The following PPP2R3B variants were observed in gnomAD, a reference collection of about 807,000 sequenced individuals.
PPP2R3B encodes the protein serine/threonine-protein phosphatase 2A regulatory subunit B'' subunit beta.
Under a neutral mutation model 72.9 loss-of-function variants are expected in PPP2R3B, and 68 were observed. The observed-to-expected ratio is 0.93, with a 90% CI of 0.77 to 1.14. The LOEUF is 1.14. Ranked by LOEUF, PPP2R3B falls within the 50% of genes most tolerant of loss-of-function variation. PPP2R3B has a pLI of 0.00. For synonymous variants in PPP2R3B, 466 were observed against 375.8 expected, an observed-to-expected ratio of 1.24 and a Z score of -2.78; for missense variants, 1,018 against 842.0, an observed-to-expected ratio of 1.21 and a Z score of -2.59.
intron 7 of PPP2R3B, chrX:345,088 C>G (rs1267003320): frequency 4.4e-6 from 2 of 454,564 alleles, no homozygotes; most frequent in Non-Finnish European, 8.7e-6. Context: ...GGTATATGAA[C>G]GACCGCTAAG....
At chrX:364,577 G>C (rs775182250) in intron 1 of PPP2R3B, among the ~76,000 whole-genome samples, 1 of 149,748 alleles carries the variant, frequency 6.7e-6, no homozygotes, top group Non-Finnish European at 1.5e-5. Flanking sequence ...AATTAGCCGG[G>C]TGTGGTGGAG....
At chrX:349,420 C>A (rs1273403280) in intron 2 of PPP2R3B, among the ~76,000 whole-genome samples, 1 of 152,182 alleles carries the variant, frequency 6.6e-6, no homozygotes, top group Non-Finnish European at 1.5e-5. Flanking sequence ...CTACGAAACA[C>A]CCCAGCTGCT....
intron 2 of PPP2R3B, among the ~76,000 whole-genome samples, chrX:350,785 C>A (rs980917090): frequency 6.6e-6 from 1 of 152,226 alleles, no homozygotes; most frequent in Non-Finnish European, 1.5e-5. Flanking sequence ...GGGAAAGCGG[C>A]CCACGGGGCG....
rs2071188315 is a variant in PPP2R3B at position 345,687 on chromosome X, A to C, written c.880-15T>G. 1.3e-6 allele frequency: 2 copies of C among 1,559,648 alleles called. No individual in the cohort carries two copies. Among genetic ancestry groups the C allele is most frequent in the East Asian group, 4.9e-5 (2 of 40,602 alleles). ...AGCGCCACATTCTGCCAAAGGACCC[A>C]GGCGGCCTGAGCGCGGGGCCTCTGC... On this transcript the variant is annotated splice_polypyrimidine_tract_variant and intron_variant, in intron 6 of 12. Coordinates refer to ENST00000390665, the MANE Select transcript of PPP2R3B (RefSeq NM_013239.5).
chrX:345,094 C>T (rs2071168618), intron 7 of PPP2R3B: 1 of 463,810 alleles, frequency 2.2e-6, no homozygotes, highest in Non-Finnish European at 4.2e-6. Context: ...TGAACGACCG[C>T]TAAGCCTGGG....
chrX:383,311 G>A (rs1448456496), intron 1 of PPP2R3B, among the ~76,000 whole-genome samples: 2 of 152,094 alleles, frequency 1.3e-5, no homozygotes, highest in African/African-American at 2.4e-5. Context: ...GTGGTGCTAC[G>A]TAAATATCAC....
chrX:379,324 C>T (rs182842847), intron 1 of PPP2R3B, among the ~76,000 whole-genome samples: 12 of 142,100 alleles, frequency 8.4e-5, no homozygotes, highest in South Asian at 2.2e-4. Context: ...TGTGTGTATG[C>T]GTGTGTATGC....
Position 386,530 on chromosome X carries a change from C to A in PPP2R3B, c.162G>T (p.Gln54His). The change falls in exon 1 of 13, where the codon CAG becomes CAT. Residue 54 changes from glutamine to histidine, a missense_variant. By Grantham distance (24) the Gln-to-His change is conservative. Transcript: ENST00000390665. ...RDQPTPGDGEQPGAWPTAPLA... is the reference protein window; with the variant it reads ...RDQPTPGDGEHPGAWPTAPLA... ...GCGGGGCTGTGGGCCAGGCCCCGGGCTGCTCCCCGTCCCCCGGGGTCGGCT... is the reference window on the plus strand; with the variant it reads ...GCGGGGCTGTGGGCCAGGCCCCGGGATGCTCCCCGTCCCCCGGGGTCGGCT... 7.0e-7 allele frequency: 1 copy of A among 1,426,992 alleles called. No homozygotes were observed. 88.4% of individuals were successfully genotyped at this position (1,426,992 alleles called of 1,614,324 possible). A position where few individuals can be genotyped will look rare whatever the true frequency, so the allele number is the denominator to read the frequency against.
At chrX:375,636 C>T (rs1317980631) in intron 1 of PPP2R3B, among the ~76,000 whole-genome samples, 2 of 152,228 alleles carry the variant, frequency 1.3e-5, no homozygotes, top group Non-Finnish European at 2.9e-5. Flanking sequence ...GGTGCCGCCC[C>T]TTCAGTTCAT....
rs190344081 is a variant in PPP2R3B at position 344,964 on chromosome X, C to G, written c.1036+552G>C. 3.8e-4 allele frequency: 135 copies of G among 353,670 alleles called. 1 individual carries two copies. The highest frequency in any genetic ancestry group is 8.7e-4 in the Admixed American group (23 of 26,424). The allele number at this position is 353,670 out of a possible 1,614,324, so 21.9% of individuals were successfully genotyped here. A position where few individuals can be genotyped will look rare whatever the true frequency, so the allele number is the denominator to read the frequency against. ...ACTTAAAGGAATCCTTTAGAAAACT[C>G]AAGCCCCACAGGCCACAGGCCGCTT... On this transcript the variant is annotated intron_variant, in intron 7 of 12. Transcript: ENST00000390665.
At chrX:366,973 A>G (rs2124294832) in intron 1 of PPP2R3B, among the ~76,000 whole-genome samples, 1 of 152,040 alleles carries the variant, frequency 6.6e-6, no homozygotes, top group African/African-American at 2.4e-5. Context: ...GGGTGCGGTG[A>G]GCTGAGGTCG....
rs750914600 is a variant in PPP2R3B at position 334,368 on chromosome X, C to T, written c.1727G>A (p.Ter576=). 6.7e-7 allele frequency: 1 copy of T among 1,501,254 alleles called. No individual in the cohort carries two copies. Among genetic ancestry groups the T allele is most frequent in the Non-Finnish European group, 8.8e-7 (1 of 1,130,834 alleles). 93.0% of individuals were successfully genotyped at this position (1,501,254 alleles called of 1,614,324 possible). The change falls in exon 13 of 13, where the codon TGA becomes TAA. Residue 576 remains the stop codon, a stop_retained_variant. Transcript: ENST00000390665. ...ACGDEDLEPL[*] is the part of the protein sequence containing the mutation. ...GCGGCGGCGTTCTCGCGGGCGGCGTCACAGCGGCTCCAGGTCCTCGTCCCC... is the reference window on the plus strand; with the variant it reads ...GCGGCGGCGTTCTCGCGGGCGGCGTTACAGCGGCTCCAGGTCCTCGTCCCC...
intron 7 of PPP2R3B, 112 bp from the exon 8 acceptor site, chrX:342,043 T>C: frequency 7.2e-7 from 1 of 1,390,224 alleles, no homozygotes; most frequent in Non-Finnish European, 1.0e-6. Context: ...AGAGGACGCC[T>C]GGGTCTGGGA....
chrX:344,137 G>T (rs192147941), intron 7 of PPP2R3B, among the ~76,000 whole-genome samples: 5,139 of 19,604 alleles, frequency 0.26, 719 homozygotes, highest in African/African-American at 0.43. Context: ...GAGGCGGGAG[G>T]GAGACCTCAG....
At chrX:348,314 G>A (rs1358435901) in intron 2 of PPP2R3B, among the ~76,000 whole-genome samples, 1 of 152,156 alleles carries the variant, frequency 6.6e-6, no homozygotes, top group African/African-American at 2.4e-5. Flanking sequence ...GGTGGCTCAT[G>A]CCTGTAATCC....
chrX:346,798 C>T (rs768972513), intron 4 of PPP2R3B, 23 bp from the exon 5 acceptor site: 2 of 1,602,110 alleles, frequency 1.2e-6, no homozygotes, highest in Non-Finnish European at 1.7e-6. Flanking sequence ...AGACACGAGG[C>T]GCGTGGTGTA....
chrX:338,748 C>A (rs372385182), intron 11 of PPP2R3B, 30 bp downstream of exon 11: 7 of 1,611,614 alleles, frequency 4.3e-6, no homozygotes, highest in Non-Finnish European at 5.9e-6. Context: ...CGGCGTGGCG[C>A]GGCCCGGCCC....
chrX:341,338 T>G lies in PPP2R3B; in HGVS notation c.1144A>C (p.Ile382Leu), dbSNP rs1330813480. 6.2e-7 allele frequency: 1 copy of G among 1,612,294 alleles called. No individual in the cohort carries two copies. The highest frequency in any genetic ancestry group is 1.3e-5 in the African/African-American group (1 of 74,860). The change falls in exon 9 of 13, where the codon ATC becomes CTC. Residue 382 changes from isoleucine to leucine, a missense_variant. Ile to Leu is a conservative substitution (Grantham distance 5). Transcript: ENST00000390665. ...ISYADFVWFLISEEDKKTPTS... is the reference protein window; with the variant it reads ...ISYADFVWFLLSEEDKKTPTS... ...GGTGTTTTTTTGTCTTCCTCAGAGA[T>G]CAAAAACCAGACAAAGTCGGCATAG... is the stretch of plus-strand genomic sequence containing the variant.
intron 1 of PPP2R3B, among the ~76,000 whole-genome samples, chrX:373,022 C>A (rs905634867): frequency 1.3e-5 from 2 of 152,148 alleles, no homozygotes; most frequent in African/African-American, 4.8e-5. Context: ...ATATCTCAAC[C>A]GACTCTTAAG....
Sources: allele counts gnomAD v4.1 joint callset (sites outside exome capture counted in the v4.1 genomes callset), GRCh38; gene constraint gnomAD v4.1.1; transcripts MANE v1.5; gene names NCBI Gene and HGNC (gene_info 2026-07-23, HGNC 2026-07-21).